Variants in UPK2 observed in about 807,000 individuals in gnomAD.
UPK2 encodes uroplakin 2, also known as uroplakin-2.
In UPK2, 19 loss-of-function variants were observed where a neutral mutation model predicts 14.8. The ratio of observed to expected loss-of-function variants is 1.29; its 90% CI spans 0.90 to 1.89. The LOEUF (loss-of-function observed/expected upper bound fraction) is 1.89, where lower values mean the gene tolerates loss of function less well. Ranked by LOEUF, UPK2 falls within the 40% of genes most tolerant of loss-of-function variation. The pLI is 0.00. For missense variants in UPK2, 232 were observed against 236.0 expected (o/e 0.98, Z 0.11); for synonymous variants, 102 against 101.6 (o/e 1.00, Z -0.02).
intron 3 of UPK2, 114 bp downstream of exon 3, chr11:118,957,460 G>T: frequency 6.4e-7 from 1 of 1,550,804 alleles, no homozygotes; most frequent in South Asian, 1.2e-5. Context: ...CAGCAAAAGG[G>T]GGTGAAAGCT....
Position 118,958,232 on chromosome 11 carries a change from A to C in UPK2, c.554A>C (p.Ter185SerextTer76). The C allele has an allele frequency of 3.7e-6, 6 of 1,612,018 alleles. No individual in the cohort carries two copies. Among genetic ancestry groups the C allele is most frequent in the Non-Finnish European group, 5.1e-6 (6 of 1,179,386 alleles). The change falls in exon 5 of 5, where the codon TAA becomes TCA. Residue 185 changes from the stop codon to serine, a stop_lost. Transcript: ENST00000264031. This position sits in a 1 kb window ranked among gnomAD's most constrained non-coding sequence, Gnocchi z 4.6. The part of the protein sequence containing the change: ...IIALALGSRK[*>S] ...GCCCTGGCACTGGGCTCCCGCAAGT[A>C]AGGAGGTCTGCCCGGAGCAGCAGCT...
chr11:118,957,980 GC>G, intron 4 of UPK2, 116 bp from the exon 5 acceptor site: 1 of 1,445,330 alleles, frequency 6.9e-7, no homozygotes. Flanking sequence ...TGGCTGGCTG[GC>G]TGGCTGGCTG....
Position 118,956,398 on chromosome 11 carries a change from G to A in UPK2, c.48G>A (p.Leu16=), listed in dbSNP as rs1470778182. ...GGACCTTGCCCTTGATCCTGATTCT[G>A]CTGGCTCTGCTGTCCCCAGGGGCTG... ...PIRTLPLILI[L]LALLSPGAAD... The change falls in exon 1 of 5, where the codon CTG becomes CTA. Residue 16 remains leucine, a synonymous_variant. Coordinates refer to ENST00000264031, the MANE Select transcript of UPK2 (RefSeq NM_006760.4). The surrounding 1 kb of genome is among the most constrained non-coding windows in gnomAD (Gnocchi z 4.1). 1 of 1,610,240 alleles carries A rather than the reference G, an allele frequency of 6.2e-7. No individual in the cohort carries two copies. Among genetic ancestry groups the A allele is most frequent in the Admixed American group, 1.7e-5 (1 of 60,022 alleles).
chr11:118,958,382 C>G lies in UPK2; in HGVS notation c.*149C>G, dbSNP rs1272036525. ...TCCTCTCCCCTAGAGCCCTCTCCTCCCTCTGTCCCTCTCCTTGCCCCCAGT... is the reference window on the plus strand; with the variant it reads ...TCCTCTCCCCTAGAGCCCTCTCCTCGCTCTGTCCCTCTCCTTGCCCCCAGT... On this transcript the variant is annotated 3_prime_UTR_variant, in exon 5 of 5. Transcript: ENST00000264031. This position sits in a 1 kb window ranked among gnomAD's most constrained non-coding sequence, Gnocchi z 4.6. The G allele has an allele frequency of 4.8e-6, 4 of 841,382 alleles. No homozygotes were observed. Among genetic ancestry groups the G allele is most frequent in the Non-Finnish European group, 5.3e-6 (3 of 560,906 alleles). The allele number at this position is 841,382 out of a possible 1,614,324, so 52.1% of individuals were successfully genotyped here.
In UPK2 at chr11:118,958,037, G is replaced by T; in HGVS notation, c.419-60G>T. ...GTTGGCTGGATGAGTGTGAGGCCGTGAGCCTCAGGCAGGCTGGGGGTCTCT... is the reference window on the plus strand; with the variant it reads ...GTTGGCTGGATGAGTGTGAGGCCGTTAGCCTCAGGCAGGCTGGGGGTCTCT... On this transcript the variant is annotated intron_variant, in intron 4 of 4. Coordinates refer to ENST00000264031, the MANE Select transcript of UPK2 (RefSeq NM_006760.4). The surrounding 1 kb of genome is among the most constrained non-coding windows in gnomAD (Gnocchi z 4.6). The T allele has an allele frequency of 6.4e-7, 1 of 1,557,800 alleles. No homozygotes were observed. The highest frequency in any genetic ancestry group is 1.4e-5 in the African/African-American group (1 of 73,798).
chr11:118,957,751 G>GGGTCACGCCA, intron 4 of UPK2, 83 bp downstream of exon 4: 1 of 1,556,120 alleles, frequency 6.4e-7, no homozygotes, highest in Non-Finnish European at 8.8e-7. Context: ...CCCAGTCTGG[G>GGGTCACGCCA]TTGCCTGTGC....
At chr11:118,957,938 C>A (rs1941577769) in intron 4 of UPK2, among the ~76,000 whole-genome samples, 159 bp from the exon 5 acceptor site, 1 of 152,124 alleles carries the variant, frequency 6.6e-6, no homozygotes, top group Non-Finnish European at 1.5e-5. Context: ...GTGTTTGGAT[C>A]CATCAGCTGG....
At position 118,956,527 on chromosome 11, in the gene UPK2, G is replaced by A. The variant is rs1941564067; in HGVS notation, c.76+101G>A. On this transcript the variant is annotated intron_variant, in intron 1 of 4. Coordinates refer to ENST00000264031, the MANE Select transcript of UPK2 (RefSeq NM_006760.4). The surrounding 1 kb of genome is among the most constrained non-coding windows in gnomAD (Gnocchi z 4.1). ...CAAAGAGAGGTCTGGACAGTTGGGA[G>A]TCAGGGCTGGTGATGGCAGTGACTG... 5.8e-6 allele frequency: 6 copies of A among 1,039,374 alleles called. No homozygotes were observed. The highest frequency in any genetic ancestry group is 8.6e-6 in the Non-Finnish European group (6 of 698,732). 64.4% of individuals were successfully genotyped at this position (1,039,374 alleles called of 1,614,324 possible).
rs1271702103 is a variant in UPK2, at chr11:118,956,861, G to T, written c.77-22G>T. The T allele has an allele frequency of 1.2e-6, 2 of 1,613,586 alleles. No homozygotes were observed. Among genetic ancestry groups the T allele is most frequent in the East Asian group, 2.2e-5 (1 of 44,870 alleles). On this transcript the variant is annotated intron_variant, in intron 1 of 4. Coordinates refer to ENST00000264031, the MANE Select transcript of UPK2 (RefSeq NM_006760.4). This position sits in a 1 kb window ranked among gnomAD's most constrained non-coding sequence, Gnocchi z 4.1. ...CCAGGAGGGGTCAGTCCCCATCGGA[G>T]CTCCCTCCTGCCTCCCATCAGACTT...
chr11:118,957,227 G>C lies in UPK2; in HGVS notation c.228G>C (p.Val76=). The change falls in exon 3 of 5, where the codon GTG becomes GTC. Residue 76 remains valine (V), a synonymous_variant. Transcript: ENST00000264031. ...NDSKVVTSSF[V]VPPCRGRREL... Reference sequence around the variant, plus strand: ...GCCCAGTGGTGACGTCCAGCTTTGTGGTGCCTCCGTGCCGTGGGCGCAGGG... The same window carrying C: ...GCCCAGTGGTGACGTCCAGCTTTGTCGTGCCTCCGTGCCGTGGGCGCAGGG... 3 of 1,614,112 alleles carry C rather than the reference G, an allele frequency of 1.9e-6. No individual in the cohort carries two copies. The highest frequency in any genetic ancestry group is 2.5e-6 in the Non-Finnish European group (3 of 1,180,020).
chr11:118,957,692 T>G, intron 4 of UPK2, 24 bp downstream of exon 4: 1 of 1,613,594 alleles, frequency 6.2e-7, no homozygotes, highest in African/African-American at 1.3e-5. Context: ...CCGCCTCCCT[T>G]TCCCATCTCA....
rs958731109 is a variant in UPK2, at chr11:118,958,303, T to C, written c.*70T>C. The C allele has an allele frequency of 2.6e-6, 4 of 1,518,214 alleles. No homozygotes were observed. In the African/African-American group the frequency reaches 5.5e-5, roughly 21 times the overall value. The allele number at this position is 1,518,214 out of a possible 1,614,324, so 94.0% of individuals were successfully genotyped here. ...CCATCCAGCTCCCCAGCCCACCTGC[T>C]CCCAGGCCCCAGGCCTGTGGCTCCC... is the stretch of plus-strand genomic sequence containing the variant. On this transcript the variant is annotated 3_prime_UTR_variant, in exon 5 of 5. Coordinates refer to ENST00000264031, the MANE Select transcript of UPK2 (RefSeq NM_006760.4). This position sits in a 1 kb window ranked among gnomAD's most constrained non-coding sequence, Gnocchi z 4.6.
intron 4 of UPK2, 128 bp from the exon 5 acceptor site, chr11:118,957,957 TTGGTTGGTTGGC>T (rs1488341750): frequency 3.3e-6 from 4 of 1,219,648 alleles, no homozygotes; most frequent in South Asian, 1.5e-5. Flanking sequence ...GGTTGGTTGG[TTGGTTGGTTGGC>T]TGGCTGGCTG....
Position 118,956,897 on chromosome 11 carries a change from A to G in UPK2, c.91A>G (p.Ser31Gly). ...CCTCCCATCAGACTTCAACATCTCAAGCCTCTCTGGTCTGCTGTCCCCGGC... is the reference window on the plus strand; with the variant it reads ...CCTCCCATCAGACTTCAACATCTCAGGCCTCTCTGGTCTGCTGTCCCCGGC... ...SPGAADFNIS[S>G]LSGLLSPALT... Residue 31 changes from serine to glycine, a missense_variant, in exon 2 of 5, where the codon AGC (serine) becomes GGC (glycine). Physicochemically the swap from Ser to Gly is moderately conservative, Grantham distance 56. Coordinates refer to ENST00000264031, the MANE Select transcript of UPK2 (RefSeq NM_006760.4). The surrounding 1 kb of genome is among the most constrained non-coding windows in gnomAD (Gnocchi z 4.1). 6.2e-7 allele frequency: 1 copy of G among 1,613,976 alleles called. No individual in the cohort carries two copies. Among genetic ancestry groups the G allele is most frequent in the East Asian group, 2.2e-5 (1 of 44,876 alleles).
At position 118,956,934 on chromosome 11, in the gene UPK2, G is replaced by C. The variant is rs774013565; in HGVS notation, c.128G>C (p.Ser43Thr). ...CTGCTGTCCCCGGCGCTAACGGAGAGCCTGCTGGTTGCCTTGCCCCCCTGT... is the reference window on the plus strand; with the variant it reads ...CTGCTGTCCCCGGCGCTAACGGAGACCCTGCTGGTTGCCTTGCCCCCCTGT... ...SGLLSPALTE[S>T]LLVALPPCHL... The change falls in exon 2 of 5, where the codon AGC (serine) becomes ACC (threonine). Residue 43 changes from serine to threonine, a missense_variant. Transcript: ENST00000264031. This position sits in a 1 kb window ranked among gnomAD's most constrained non-coding sequence, Gnocchi z 4.1. 6.2e-7 allele frequency: 1 copy of C among 1,614,094 alleles called. No homozygotes were observed. Among genetic ancestry groups the C allele is most frequent in the South Asian group, 1.1e-5 (1 of 91,052 alleles).
At position 118,956,844 on chromosome 11, in the gene UPK2, G is replaced by A; in HGVS notation, c.77-39G>A. 4.3e-6 allele frequency: 7 copies of A among 1,612,514 alleles called. No individual in the cohort carries two copies. Among genetic ancestry groups the A allele is most frequent in the Non-Finnish European group, 5.9e-6 (7 of 1,179,306 alleles). On this transcript the variant is annotated intron_variant, in intron 1 of 4. Transcript: ENST00000264031. This position sits in a 1 kb window ranked among gnomAD's most constrained non-coding sequence, Gnocchi z 4.1. ...CGGGCCAGATCTGTTGGCCAGGAGG[G>A]GTCAGTCCCCATCGGAGCTCCCTCC...
rs1941561618 is a variant in UPK2, at chr11:118,956,326, C to T, written c.-25C>T. The stretch of plus-strand genomic sequence containing the variant: ...TGCCTCAGGAACCCCAGCCTGCCAG[C>T]ACCTATTCCACCTCCCAGCCCAGCA... On this transcript the variant is annotated 5_prime_UTR_variant, in exon 1 of 5. Transcript: ENST00000264031. This position sits in a 1 kb window ranked among gnomAD's most constrained non-coding sequence, Gnocchi z 4.1. The T allele has an allele frequency of 1.2e-6, 2 of 1,607,664 alleles. No individual in the cohort carries two copies. Among genetic ancestry groups the T allele is most frequent in the Non-Finnish European group, 1.7e-6 (2 of 1,177,380 alleles).
rs780173852 is a variant in UPK2, at chr11:118,958,171, G to T, written c.493G>T (p.Val165Phe). The T allele has an allele frequency of 6.2e-7, 1 of 1,614,032 alleles. No homozygotes were observed. Among genetic ancestry groups the T allele is most frequent in the Non-Finnish European group, 8.5e-7 (1 of 1,179,954 alleles). The change falls in exon 5 of 5, where the codon GTC (valine) becomes TTC (phenylalanine). Residue 165 changes from valine (V) to phenylalanine (F), a missense_variant. By Grantham distance (50) the Val-to-Phe change is conservative (BLOSUM62 -1). Coordinates refer to ENST00000264031, the MANE Select transcript of UPK2 (RefSeq NM_006760.4). This position sits in a 1 kb window ranked among gnomAD's most constrained non-coding sequence, Gnocchi z 4.6. Reference sequence around the variant, plus strand: ...GGTGGTCATCACGGTGCTGCTCTCTGTCGCCATGTTCCTGCTGGTGCTGGG... The same window carrying T: ...GGTGGTCATCACGGTGCTGCTCTCTTTCGCCATGTTCCTGCTGGTGCTGGG... ...GMVVITVLLS[V>F]AMFLLVLGFI...
chr11:118,957,083 CT>C, intron 2 of UPK2, 69 bp downstream of exon 2: 4 of 1,607,588 alleles, frequency 2.5e-6, no homozygotes, highest in Non-Finnish European at 2.6e-6. Flanking sequence ...CCTCTGCACC[CT>C]TTTCCCCATT....
Sources: gnomAD v4.1 joint callset for allele counts (sites outside exome capture counted in the v4.1 genomes callset) on GRCh38, gnomAD v4.1.1 for gene constraint, Gnocchi (gnomAD v3.1) non-coding constraint, MANE v1.5 for transcripts, NCBI Gene and HGNC (gene_info 2026-07-23, HGNC 2026-07-21) for gene names.